MTRF1: variants seen among roughly 807,000 people sequenced by gnomAD.
MTRF1 encodes mitochondrial translation release factor 1.
MTRF1 carries 51 observed loss-of-function variants against 62.9 expected under a neutral mutation model. The observed-to-expected ratio is 0.81, with a 90% CI of 0.65 to 1.02. The LOEUF (loss-of-function observed/expected upper bound fraction) is 1.02. MTRF1 is among the 50% of genes least tolerant of loss of function. MTRF1 has a pLI of 0.00. For missense variants in MTRF1, 446 were observed against 530.0 expected (o/e 0.84, Z 1.56); for synonymous variants, 158 against 181.9 (o/e 0.87, Z 1.06).
At chr13:41,242,549 A>T (rs1235946228) in intron 5 of MTRF1, among the ~76,000 whole-genome samples, 3 of 152,160 alleles carry the variant, frequency 2.0e-5, no homozygotes, top group Non-Finnish European at 4.4e-5. Context: ...AGAAATAGGA[A>T]ATACCTCATG....
At chr13:41,266,774 C>T (rs1318958452), upstream of MTRF1, among the ~76,000 whole-genome samples, 4 of 151,896 alleles carry the variant, frequency 2.6e-5, no homozygotes, top group African/African-American at 7.3e-5. Flanking sequence ...GGGTGGATCA[C>T]GAGGTCAGGA....
chr13:41,221,820 T>C (rs542809602), intron 9 of MTRF1, among the ~76,000 whole-genome samples: 5 of 76,978 alleles, frequency 6.5e-5, no homozygotes, highest in Admixed American at 2.6e-4. Context: ...TCCGAAAAAA[T>C]TGTCACTACT....
chr13:41,281,855 G>A, the MTRF1 span, among the ~76,000 whole-genome samples: 1 of 152,206 alleles, frequency 6.6e-6, no homozygotes, highest in African/African-American at 2.4e-5. Flanking sequence ...ACTCTGCCCA[G>A]GCCGGGCACG....
Position 41,247,812 on chromosome 13 carries a change from G to GA in MTRF1, c.697+4832dup, listed in dbSNP as rs201939609. Among the ~76,000 whole-genome samples the GA allele has an allele frequency of 9.3e-3, 1,418 of 152,142 alleles. 21 individuals are homozygous for GA. Among genetic ancestry groups the GA allele is most frequent in the African/African-American group, 0.032 (1,338 of 41,490 alleles). ...TCCAATTTTGCATTCTGGAACTGGG[G>GA]AAAAAACCACAAAATAACCACAGAA... is the stretch of plus-strand genomic sequence containing the variant. On this transcript the variant is annotated intron_variant, in intron 5 of 9. Transcript: ENST00000379480.
chr13:41,291,226 G>A, the MTRF1 span, among the ~76,000 whole-genome samples: 1 of 152,068 alleles, frequency 6.6e-6, no homozygotes, highest in East Asian at 1.9e-4. Context: ...TGTCCAGGCT[G>A]GAGTGCAATG....
In MTRF1 at chr13:41,260,662, CA is replaced by C; in HGVS notation, c.245del (p.Leu82ArgfsTer17). ...HKALQKYMEN[L>X]SKEYQTLEQC... The stretch of plus-strand genomic sequence containing the variant: ...GCTCAAGTGTTTGGTACTCCTTACT[CA>C]GGTTCTCCATATATTTCTGTAGTGC... On this transcript the variant is annotated frameshift_variant, in exon 2 of 10. Coordinates refer to ENST00000379480, the MANE Select transcript of MTRF1 (RefSeq NM_004294.4). LOFTEE classifies it high-confidence loss of function. 6.2e-7 allele frequency: 1 copy of C among 1,614,186 alleles called. No individual in the cohort carries two copies. The highest frequency in any genetic ancestry group is 8.5e-7 in the Non-Finnish European group (1 of 1,180,040).
Position 41,263,469 on chromosome 13 carries a change from A to G in MTRF1, c.-9+16T>C. On this transcript the variant is annotated intron_variant, in intron 1 of 9. Coordinates refer to ENST00000379480, the MANE Select transcript of MTRF1 (RefSeq NM_004294.4). ...ACAGGAGGCGGCGGGGAAGATCAGGAAAGAACTGTGAGTACCTAAGAAAAA... is the reference window on the plus strand; with the variant it reads ...ACAGGAGGCGGCGGGGAAGATCAGGGAAGAACTGTGAGTACCTAAGAAAAA... 2.9e-6 allele frequency: 1 copy of G among 345,088 alleles called. No homozygotes were observed. The highest frequency in any genetic ancestry group is 2.3e-5 in the South Asian group (1 of 43,774). The allele number at this position is 345,088 out of a possible 1,614,324, so 21.4% of individuals were successfully genotyped here.
At chr13:41,269,292 C>T in the MTRF1 span, among the ~76,000 whole-genome samples, 4 of 146,232 alleles carry the variant, frequency 2.7e-5, no homozygotes, top group African/African-American at 5.1e-5. Flanking sequence ...CTCTGCCTCT[C>T]GAGTTCAAGC....
At chr13:41,267,606 C>T (rs1456114256), upstream of MTRF1, among the ~76,000 whole-genome samples, 1 of 152,166 alleles carries the variant, frequency 6.6e-6, no homozygotes, top group Non-Finnish European at 1.5e-5. Flanking sequence ...CTGTGGCTCA[C>T]ACCTGTAATC....
chr13:41,253,100 GA>G, intron 3 of MTRF1, 70 bp from the exon 4 acceptor site: 1 of 1,116,782 alleles, frequency 9.0e-7, no homozygotes, highest in Non-Finnish European at 1.3e-6. Context: ...ATAAAGGCCC[GA>G]AAAACATTGA....
rs919326947 is a variant in MTRF1, at chr13:41,240,340, G to A, written c.791C>T (p.Pro264Leu). 9 of 1,613,856 alleles carry A rather than the reference G, an allele frequency of 5.6e-6. No homozygotes were observed. The African/African-American group carries it at 6.7e-5, about 12-fold the overall frequency. Residue 264 changes from proline (P) to leucine (L), a missense_variant, in exon 6 of 10, where the codon CCC becomes CTC. By Grantham distance (98) the Pro-to-Leu change is moderately conservative (BLOSUM62 -3). Transcript: ENST00000379480. ...CATCCTTGAGGACAGGCCCACCTCG[G>A]GGATGCGCTGAACTCGGTGAATCCC... ...EGGIHRVQRIPEVGLSSRMQR... is the reference protein window; with the variant it reads ...EGGIHRVQRILEVGLSSRMQR...
At chr13:41,237,484 T>C (rs1401572003) in intron 6 of MTRF1, among the ~76,000 whole-genome samples, 1 of 152,094 alleles carries the variant, frequency 6.6e-6, no homozygotes, top group Non-Finnish European at 1.5e-5. Flanking sequence ...TCTCTGAGCA[T>C]AGTGCTCACA....
intron 2 of MTRF1, among the ~76,000 whole-genome samples, chr13:41,256,502 T>C (rs2039747134): frequency 6.6e-6 from 1 of 152,050 alleles, no homozygotes; most frequent in Admixed American, 6.6e-5. Flanking sequence ...AATTTTTGTA[T>C]TTTTAGTAGA....
chr13:41,226,825 G>T (rs1333810762), intron 7 of MTRF1, among the ~76,000 whole-genome samples: 1 of 152,158 alleles, frequency 6.6e-6, no homozygotes. Flanking sequence ...TGTCCTTTCA[G>T]TCCCCGAGCT....
chr13:41,256,437 C>T (rs2039734259), intron 2 of MTRF1, among the ~76,000 whole-genome samples: 1 of 151,788 alleles, frequency 6.6e-6, no homozygotes, highest in African/African-American at 2.4e-5. Context: ...AGCAATTCTC[C>T]TGCCTCAGCC....
At chr13:41,234,159 C>G in intron 6 of MTRF1, 152 bp from the exon 7 acceptor site, 2 of 658,730 alleles carry the variant, frequency 3.0e-6, no homozygotes, top group Non-Finnish European at 2.6e-6. Flanking sequence ...GAGCAATAAA[C>G]TCCCCATTCC....
chr13:41,309,863 G>C, the MTRF1 span, among the ~76,000 whole-genome samples: 11 of 152,164 alleles, frequency 7.2e-5, no homozygotes, highest in African/African-American at 2.7e-4. Flanking sequence ...AGGTGTGGTG[G>C]TGCATGCCTG....
chr13:41,230,645 T>C (rs2035368111), intron 7 of MTRF1, among the ~76,000 whole-genome samples: 1 of 151,954 alleles, frequency 6.6e-6, no homozygotes, highest in Non-Finnish European at 1.5e-5. Context: ...TATCCTATTT[T>C]GGATATTTAG....
the MTRF1 span, among the ~76,000 whole-genome samples, chr13:41,299,577 A>T: frequency 6.6e-6 from 1 of 152,206 alleles, no homozygotes; most frequent in Admixed American, 6.5e-5. Context: ...TCTCTACTTA[A>T]GGAGGAAGAC....
Sources: gnomAD v4.1 joint callset for allele counts (sites outside exome capture counted in the v4.1 genomes callset) on GRCh38, gnomAD v4.1.1 for gene constraint, MANE v1.5 for transcripts, NCBI Gene and HGNC (gene_info 2026-07-23, HGNC 2026-07-21) for gene names.